The following NCOA3 variants were observed in gnomAD, a reference collection of about 807,000 sequenced individuals.
NCOA3 encodes CBP-interacting protein.
A neutral mutation model predicts 158.8 loss-of-function variants in NCOA3; 51 were observed. The ratio of observed to expected loss-of-function variants is 0.32; its 90% CI spans 0.26 to 0.41. The LOEUF (loss-of-function observed/expected upper bound fraction) is 0.41. Among genes scored for constraint, NCOA3 ranks in the 10% least tolerant of loss-of-function variants. The pLI is 1.00. For synonymous variants in NCOA3, 537 were observed against 592.4 expected (o/e 0.91, Z 1.36); for missense variants, 1,510 against 1,746.6 (o/e 0.86, Z 2.41).
intron 1 of NCOA3, among the ~76,000 whole-genome samples, chr20:47,556,045 C>A (rs745340367): frequency 1.3e-5 from 2 of 151,648 alleles, no homozygotes; most frequent in African/African-American, 2.4e-5. Context: ...AGCAATTCTC[C>A]TGCCTCAGCC....
chr20:47,591,796 CT>C (rs911002702), intron 2 of NCOA3, among the ~76,000 whole-genome samples: 2 of 149,480 alleles, frequency 1.3e-5, no homozygotes, highest in Non-Finnish European at 3.0e-5. Flanking sequence ...TATGTGTGGT[CT>C]TTTTTTCTTG....
intron 17 of NCOA3, among the ~76,000 whole-genome samples, chr20:47,643,770 C>T (rs1211873101): frequency 6.6e-6 from 1 of 151,672 alleles, no homozygotes; most frequent in East Asian, 1.9e-4. Context: ...TTCCACCCTC[C>T]TACATGTCTG....
At chr20:47,607,848 A>C (rs1373106003) in intron 2 of NCOA3, among the ~76,000 whole-genome samples, 1 of 152,218 alleles carries the variant, frequency 6.6e-6, no homozygotes, top group Non-Finnish European at 1.5e-5. Flanking sequence ...TATATCCTTA[A>C]ATCAAGATAA....
intron 16 of NCOA3, among the ~76,000 whole-genome samples, chr20:47,641,716 C>T (rs1433754213): frequency 2.6e-5 from 4 of 151,622 alleles, no homozygotes; most frequent in South Asian, 2.1e-4. Context: ...AGGATGGTCT[C>T]GATCTCCTGA....
At position 47,501,963 on chromosome 20, in the gene NCOA3, G is replaced by T; in HGVS notation, c.-155G>T. On this transcript the variant is annotated 5_prime_UTR_variant, in exon 1 of 23. Transcript: ENST00000371998. ...TCGGTGGCGGCCGGCGGCGGCTGCG[G>T]GCTGAGCGGCGAGTTTCCGATTTAA... The T allele has an allele frequency of 2.5e-6, 1 of 400,140 alleles. No individual in the cohort carries two copies. Among genetic ancestry groups the T allele is most frequent in the Non-Finnish European group, 4.4e-6 (1 of 227,026 alleles). 24.8% of individuals were successfully genotyped at this position (400,140 alleles called of 1,614,324 possible).
At chr20:47,559,050 C>A (rs2085058433) in intron 1 of NCOA3, among the ~76,000 whole-genome samples, 1 of 152,054 alleles carries the variant, frequency 6.6e-6, no homozygotes, top group South Asian at 2.1e-4. Flanking sequence ...GGGTTCTTTT[C>A]CATAGCATCC....
At chr20:47,588,623 T>C (rs545883083) in intron 2 of NCOA3, among the ~76,000 whole-genome samples, 1 of 152,350 alleles carries the variant, frequency 6.6e-6, no homozygotes, top group South Asian at 2.1e-4. Flanking sequence ...ATTGCTTTTG[T>C]ATCCCTTCCA....
rs768342979 is a variant in NCOA3, at chr20:47,594,788, ATT to A, written c.-20+11547_-20+11548del. ...AAGGCTGAGGTGGGCAGAATACCTG[ATT>A]TTTTTTTTTTTTTTTTTTTGGAGAC... On this transcript the variant is annotated intron_variant, in intron 2 of 22. Coordinates refer to ENST00000371998, the MANE Select transcript of NCOA3 (RefSeq NM_181659.3). Among the ~76,000 whole-genome samples, 62 of 102,430 alleles carry A rather than the reference ATT, an allele frequency of 6.1e-4. No homozygotes were observed. In the East Asian group the frequency reaches 0.014, roughly 22 times the overall value. The allele number at this position is 102,430 out of a possible 152,430, so 67.2% of individuals were successfully genotyped here.
At chr20:47,585,512 G>A (rs1273303563) in intron 2 of NCOA3, among the ~76,000 whole-genome samples, 1 of 152,038 alleles carries the variant, frequency 6.6e-6, no homozygotes, top group East Asian at 1.9e-4. Flanking sequence ...GAATCCCACC[G>A]TACTCTGATT....
Position 47,635,423 on chromosome 20 carries a change from C to G in NCOA3, c.1214C>G (p.Pro405Arg). 6.2e-7 allele frequency: 1 copy of G among 1,614,142 alleles called. No individual in the cohort carries two copies. The highest frequency in any genetic ancestry group is 8.5e-7 in the Non-Finnish European group (1 of 1,180,038). ...TCGGTAGGCGGCATGAGTATGTCGC[C>G]AAACCAAGGCTTACAGATGCCGAGC... ...NSSVGGMSMS[P>R]NQGLQMPSSR... is the part of the protein sequence containing the mutation. The change falls in exon 11 of 23, where the codon CCA becomes CGA. Residue 405 changes from proline to arginine, a missense_variant. Physicochemically the swap from Pro to Arg is moderately radical, Grantham distance 103. Coordinates refer to ENST00000371998, the MANE Select transcript of NCOA3 (RefSeq NM_181659.3).
At chr20:47,649,150 C>T (rs768953846) in intron 19 of NCOA3, 41 bp downstream of exon 19, 4 of 1,304,056 alleles carry the variant, frequency 3.1e-6, no homozygotes, top group Admixed American at 2.1e-5. Context: ...GCTCTGTGCT[C>T]AGGACAGGGC....
intron 1 of NCOA3, among the ~76,000 whole-genome samples, chr20:47,513,703 T>C (rs6018519): frequency 0.86 from 124,753 of 144,964 alleles, 54,112 homozygotes; most frequent in East Asian, 0.91. Context: ...TCCAGCCCGA[T>C]GGAGCAAGAC....
At chr20:47,512,205 CA>C (rs1389482609) in intron 1 of NCOA3, among the ~76,000 whole-genome samples, 9 of 151,654 alleles carry the variant, frequency 5.9e-5, no homozygotes, top group African/African-American at 1.2e-4. Flanking sequence ...AATATAAACA[CA>C]AAAAAAGTTT....
chr20:47,546,829 C>T (rs755242325), intron 1 of NCOA3, among the ~76,000 whole-genome samples: 3 of 152,144 alleles, frequency 2.0e-5, no homozygotes, highest in Non-Finnish European at 4.4e-5. Context: ...CCGCTACCGG[C>T]CTGCCTCTGT....
chr20:47,521,215 G>A (rs1468928523), intron 1 of NCOA3, among the ~76,000 whole-genome samples: 1 of 152,214 alleles, frequency 6.6e-6, no homozygotes, highest in African/African-American at 2.4e-5. Context: ...CCGCCACAAG[G>A]GGGCGGGGTG....
Position 47,637,795 on chromosome 20 carries a change from C to G in NCOA3, c.2512+12C>G, listed in dbSNP as rs751810115. 6.4e-6 allele frequency: 10 copies of G among 1,566,614 alleles called. No individual in the cohort carries two copies. In the South Asian group the frequency reaches 1.1e-4, roughly 17 times the overall value. The stretch of plus-strand genomic sequence containing the variant: ...AACTAATTCTCTGGGTAAGAATGAA[C>G]TAGGTTTTTTTTTTTTTTGCTGCCT... On this transcript the variant is annotated intron_variant, in intron 13 of 22. Transcript: ENST00000371998.
intron 1 of NCOA3, among the ~76,000 whole-genome samples, chr20:47,525,724 A>C (rs1469747519): frequency 4.4e-5 from 3 of 68,334 alleles, no homozygotes; most frequent in African/African-American, 1.5e-4. Context: ...TGACCCCCCC[A>C]CCTCCATCCC....
At position 47,653,181 on chromosome 20, in the gene NCOA3, A is replaced by G. The variant is rs921385059; in HGVS notation, c.4263+109A>G. 6.0e-6 allele frequency: 8 copies of G among 1,325,754 alleles called. No homozygotes were observed. In the African/African-American group the frequency reaches 7.4e-5, roughly 12 times the overall value. The allele number at this position is 1,325,754 out of a possible 1,614,324, so 82.1% of individuals were successfully genotyped here. ...CCTAGGTATATTTTAACTTGAATGT[A>G]TAACTTAAAATATAGTAATTGAAAA... On this transcript the variant is annotated intron_variant, in intron 22 of 22. Coordinates refer to ENST00000371998, the MANE Select transcript of NCOA3 (RefSeq NM_181659.3).
intron 2 of NCOA3, among the ~76,000 whole-genome samples, chr20:47,603,714 T>A (rs1315328294): frequency 6.6e-6 from 1 of 152,212 alleles, no homozygotes; most frequent in South Asian, 2.1e-4. Context: ...GGCCATCCAG[T>A]GGCCCATCTC....
Sources: allele counts gnomAD v4.1 joint callset (sites outside exome capture counted in the v4.1 genomes callset), GRCh38; gene constraint gnomAD v4.1.1; transcripts MANE v1.5; gene names NCBI Gene and HGNC (gene_info 2026-07-23, HGNC 2026-07-21).